The following C4orf50 variants were observed in gnomAD, a reference collection of about 807,000 sequenced individuals.
C4orf50 encodes the protein uncharacterized protein C4orf50.
In C4orf50, 80 loss-of-function variants were observed where a neutral mutation model predicts 77.2. The ratio of observed to expected loss-of-function variants is 1.04; its 90% CI spans 0.87 to 1.25. The LOEUF (loss-of-function observed/expected upper bound fraction) is 1.25. Ranked by LOEUF, C4orf50 falls within the 50% of genes most tolerant of loss-of-function variation. The pLI is 0.00. For missense variants in C4orf50, 1,257 were observed against 1,152.9 expected, an observed-to-expected ratio of 1.09 and a Z score of -1.31; for synonymous variants, 532 against 465.3, an observed-to-expected ratio of 1.14 and a Z score of -1.84.
In C4orf50 at chr4:5,963,136, C is replaced by G. The variant is rs897085974; in HGVS notation, c.4275+1888G>C. On this transcript the variant is annotated intron_variant, in intron 33 of 33. Coordinates refer to ENST00000531445, the Ensembl canonical transcript of C4orf50. ...GCCTCAGCCTCCCGAGTAGCTGAGA[C>G]TACAGGCATGTACCACCATACCCAG... Among the ~76,000 whole-genome samples the G allele has an allele frequency of 5.9e-5, 9 of 151,788 alleles. No individual in the cohort carries two copies. The South Asian group carries it at 8.3e-4, about 14-fold the overall frequency.
intron 7 of C4orf50, among the ~76,000 whole-genome samples, chr4:5,921,979 G>A (rs1042508316): frequency 8.5e-5 from 13 of 152,228 alleles, no homozygotes; most frequent in East Asian, 3.9e-4. Flanking sequence ...AAAAGCCCCC[G>A]AAGGAACCTA....
exon 28 of C4orf50, chr4:5,990,058 T>C: frequency 7.4e-7 from 1 of 1,349,782 alleles, no homozygotes. Flanking sequence ...CACTTCCTCA[T>C]TCTCTGATGA....
intron 7 of C4orf50, among the ~76,000 whole-genome samples, chr4:5,924,068 C>A (rs995085104): frequency 6.6e-6 from 1 of 152,180 alleles, no homozygotes; most frequent in African/African-American, 2.4e-5. Context: ...TTGCCAGGGG[C>A]TCTCGGGCCT....
exon 34 of C4orf50, chr4:5,959,431 G>T (rs1236948627): frequency 6.2e-7 from 1 of 1,614,202 alleles, no homozygotes; most frequent in Non-Finnish European, 8.5e-7. Flanking sequence ...CAAATGCTTT[G>T]TCTAAGCTCT....
At position 5,963,198 on chromosome 4, in the gene C4orf50, C is replaced by T. The variant is rs563465770; in HGVS notation, c.4275+1826G>A. Among the ~76,000 whole-genome samples, 30 of 152,038 alleles carry T rather than the reference C, an allele frequency of 2.0e-4. No individual in the cohort carries two copies. In the East Asian group the frequency reaches 5.4e-3, roughly 27 times the overall value. ...ATTTTTAGTAGAGATGGGGTTTCAC[C>T]ATGTTGGCCAGCTAGTCTCAAACTC... On this transcript the variant is annotated intron_variant, in intron 33 of 33. Coordinates refer to ENST00000531445, the Ensembl canonical transcript of C4orf50.
At chr4:5,940,300 A>T (rs73795124) in intron 7 of C4orf50, among the ~76,000 whole-genome samples, 1 of 152,326 alleles carries the variant, frequency 6.6e-6, no homozygotes, top group African/African-American at 2.4e-5. Context: ...CACACTTGAT[A>T]GAAATCTTCC....
intron 28 of C4orf50, among the ~76,000 whole-genome samples, chr4:5,982,507 G>A (rs1720645961): frequency 6.6e-6 from 1 of 152,186 alleles, no homozygotes; most frequent in African/African-American, 2.4e-5. Context: ...AATACAGCCT[G>A]ATAAAGGGAA....
At chr4:5,988,464 C>A (rs6846626) in exon 28 of C4orf50, 1 of 1,572,970 alleles carries the variant, frequency 6.4e-7, no homozygotes, top group African/African-American at 1.3e-5. Flanking sequence ...CATTTCCTTG[C>A]AGGGCATTGG....
At chr4:5,991,812 AG>A (rs1364626695) in intron 27 of C4orf50, among the ~76,000 whole-genome samples, 1 of 152,160 alleles carries the variant, frequency 6.6e-6, no homozygotes, top group African/African-American at 2.4e-5. Flanking sequence ...CCTCAGGCAG[AG>A]GGGGCTTGAA....
chr4:5,910,188 A>G (rs375581653), intron 7 of C4orf50, among the ~76,000 whole-genome samples: 4 of 152,214 alleles, frequency 2.6e-5, no homozygotes, highest in East Asian at 3.9e-4. Context: ...ACACAGAGAA[A>G]CATACATAAA....
intron 7 of C4orf50, among the ~76,000 whole-genome samples, chr4:5,948,027 G>A (rs1335634783): frequency 6.6e-6 from 1 of 152,098 alleles, no homozygotes; most frequent in Non-Finnish European, 1.5e-5. Flanking sequence ...TACCTCCATG[G>A]TCAATTTGGG....
rs57463262 is a variant in C4orf50, at chr4:5,959,205, C to A, written c.*170G>T. 1.3e-5 allele frequency: 10 copies of A among 753,316 alleles called. No homozygotes were observed. The East Asian group carries it at 2.6e-4, about 20-fold the overall frequency. The allele number at this position is 753,316 out of a possible 1,614,324, so 46.7% of individuals were successfully genotyped here. A position where few individuals can be genotyped will look rare whatever the true frequency, so the allele number is the denominator to read the frequency against. On this transcript the variant is annotated 3_prime_UTR_variant, in exon 34 of 34. Transcript: ENST00000531445. Reference sequence around the variant, plus strand: ...TCAGAATTTGCCAGGCACAGGCCAGCGTTTCTCTCAAGCTCTGACAATGAA... The same window carrying A: ...TCAGAATTTGCCAGGCACAGGCCAGAGTTTCTCTCAAGCTCTGACAATGAA...
intron 25 of C4orf50, among the ~76,000 whole-genome samples, chr4:5,995,079 T>C (rs1041782630): frequency 2.0e-5 from 3 of 152,024 alleles, no homozygotes; most frequent in Non-Finnish European, 2.9e-5. Context: ...ATGAAACCAG[T>C]CCCTGGTGCC....
intron 26 of C4orf50, among the ~76,000 whole-genome samples, chr4:5,993,678 A>T (rs1243824332): frequency 6.6e-6 from 1 of 151,972 alleles, no homozygotes; most frequent in Admixed American, 6.5e-5. Context: ...TTAGCCGGGC[A>T]TGGTGGTGGG....
At chr4:5,929,833 G>A (rs1177777286) in intron 7 of C4orf50, among the ~76,000 whole-genome samples, 1 of 152,338 alleles carries the variant, frequency 6.6e-6, no homozygotes, top group East Asian at 1.9e-4. Flanking sequence ...ATCTAATAAA[G>A]GGCAATTAAG....
chr4:5,920,393 T>C (rs12506313), intron 7 of C4orf50, among the ~76,000 whole-genome samples: 62,924 of 151,818 alleles, frequency 0.41, 15,975 homozygotes, highest in East Asian at 0.81. Context: ...TATAACAGGG[T>C]CTGGAACATG....
rs1722649864 is a variant in C4orf50 at position 6,015,510 on chromosome 4, G to T, written c.287+2635C>A. 1.3e-5 allele frequency among the ~76,000 whole-genome samples: 1 copy of T among 79,718 alleles called. No homozygotes were observed. The highest frequency in any genetic ancestry group is 1.5e-4 in the Admixed American group (1 of 6,666). The allele number at this position is 79,718 out of a possible 152,430, so 52.3% of individuals were successfully genotyped here. ...GCAAATAATGCCATTTCATTATAAT[G>T]TTGATGAGAAAAAAAAAGATTCCCA... On this transcript the variant is annotated intron_variant, in intron 23 of 33. Transcript: ENST00000531445. The surrounding 1 kb of genome is among the most constrained non-coding windows in gnomAD (Gnocchi z 4.4).
rs967162774 is a variant in C4orf50 at position 6,011,098 on chromosome 4, TCGAA to T, written c.426+728_426+731del. On this transcript the variant is annotated intron_variant, in intron 24 of 33. Transcript: ENST00000531445. The surrounding 1 kb of genome is among the most constrained non-coding windows in gnomAD (Gnocchi z 4.2). ...TGCCCACTGCTTCTCCAGAGAGCTCTCGAACTTCTCCCCCTGCCTCCATCATCTC... is the reference window on the plus strand; with the variant it reads ...TGCCCACTGCTTCTCCAGAGAGCTCTCTTCTCCCCCTGCCTCCATCATCTC... Among the ~76,000 whole-genome samples the T allele has an allele frequency of 5.9e-5, 9 of 152,138 alleles. No homozygotes were observed. Among genetic ancestry groups the T allele is most frequent in the Admixed American group, 6.5e-5 (1 of 15,278 alleles).
chr4:5,911,102 G>C (rs1035953990), intron 7 of C4orf50, among the ~76,000 whole-genome samples: 1 of 151,858 alleles, frequency 6.6e-6, no homozygotes, highest in Non-Finnish European at 1.5e-5. Flanking sequence ...CTAGAGACAG[G>C]GTTTCACCAT....
Sources: gnomAD v4.1 joint callset for allele counts (sites outside exome capture counted in the v4.1 genomes callset) on GRCh38, gnomAD v4.1.1 for gene constraint, Gnocchi (gnomAD v3.1) non-coding constraint, MANE v1.5 for transcripts, NCBI Gene and HGNC (gene_info 2026-07-23, HGNC 2026-07-21) for gene names.